The following CUL4B variants were observed in gnomAD, a reference collection of about 807,000 sequenced individuals.
CUL4B encodes cullin-4B.
Under a neutral mutation model 69.2 loss-of-function variants are expected in CUL4B, and 1 was observed. The observed-to-expected ratio is 0.01, with a 90% CI of 0.01 to 0.07. The LOEUF (loss-of-function observed/expected upper bound fraction) is 0.07, where lower values mean the gene tolerates loss of function less well. Among genes scored for constraint, CUL4B ranks in the 10% least tolerant of loss-of-function variants. The pLI is 1.00. For synonymous variants in CUL4B, 237 were observed against 223.2 expected, an observed-to-expected ratio of 1.06 and a Z score of -0.55; for missense variants, 328 against 638.8, an observed-to-expected ratio of 0.51 and a Z score of 5.24.
chrX:120,539,642 C>T (rs770290973), intron 11 of CUL4B, among the ~76,000 whole-genome samples: 5 of 111,728 alleles, frequency 4.5e-5, no homozygotes, highest in South Asian at 3.7e-4. Flanking sequence ...AAATAGGATA[C>T]GGATATCCTG....
intron 10 of CUL4B, among the ~76,000 whole-genome samples, chrX:120,541,284 G>C (rs2147330700): frequency 8.9e-6 from 1 of 112,256 alleles, no homozygotes; most frequent in African/African-American, 3.2e-5. Flanking sequence ...TGGATCATTT[G>C]AGTTCAGGAG....
At chrX:120,541,851 T>G in intron 9 of CUL4B, 131 bp from the exon 10 acceptor site, 1 of 489,386 alleles carries the variant, frequency 2.0e-6, no homozygotes, top group Non-Finnish European at 3.7e-6. Context: ...AGTCTGTATG[T>G]GAGTTGTAAT....
rs1394466910 is a variant in CUL4B, at chrX:120,560,924, TCTCTCCC to T, written c.-293_-287del. On this transcript the variant is annotated 5_prime_UTR_variant, in exon 1 of 20. Transcript: ENST00000371322. ...CGTCCCCCTCCCCTGCTTTTCGATCTCTCTCCCCCCCTTTCTGCAGGAGCGACTCAGC... is the reference window on the plus strand; with the variant it reads ...CGTCCCCCTCCCCTGCTTTTCGATCTCCCCTTTCTGCAGGAGCGACTCAGC... 1 of 749,260 alleles carries T rather than the reference TCTCTCCC, an allele frequency of 1.3e-6. No homozygotes were observed. Among genetic ancestry groups the T allele is most frequent in the Non-Finnish European group, 1.6e-6 (1 of 637,935 alleles). 61.7% of individuals were successfully genotyped at this position (749,260 alleles called of 1,213,427 possible).
chrX:120,571,167 C>A (rs186659661), downstream of CUL4B: 1 of 111,236 alleles, frequency 9.0e-6, no homozygotes, highest in East Asian at 2.8e-4. Context: ...AGTTCTTACA[C>A]ACAGATGATA....
At chrX:120,533,178 C>T (rs772594153) in intron 17 of CUL4B, among the ~76,000 whole-genome samples, 2 of 112,032 alleles carry the variant, frequency 1.8e-5, no homozygotes, top group East Asian at 2.8e-4. Flanking sequence ...AATAGCTAGC[C>T]GCTGCTTCCG....
chrX:120,553,563 G>A (rs193194790), intron 2 of CUL4B, among the ~76,000 whole-genome samples: 4 of 111,461 alleles, frequency 3.6e-5, no homozygotes, highest in East Asian at 2.8e-4. Context: ...AATGTTACAC[G>A]CTCCTGTACA....
At chrX:120,530,870 C>A (rs186122841) in intron 18 of CUL4B, among the ~76,000 whole-genome samples, 4 of 112,065 alleles carry the variant, frequency 3.6e-5, no homozygotes, top group Non-Finnish European at 7.5e-5. Context: ...AGTAATTAAA[C>A]CAAAAAAACA....
In CUL4B at chrX:120,560,763, A is replaced by G; in HGVS notation, c.-125T>C. The G allele has an allele frequency of 1.5e-6, 1 of 655,686 alleles. No individual in the cohort carries two copies. 54.0% of individuals were successfully genotyped at this position (655,686 alleles called of 1,213,427 possible). Reference sequence around the variant, plus strand: ...AAGAAAGAAGAGAGGAGAAACACAGAGGACGAGAAGGAAAGTGAAGGGGGG... The same window carrying G: ...AAGAAAGAAGAGAGGAGAAACACAGGGGACGAGAAGGAAAGTGAAGGGGGG... On this transcript the variant is annotated 5_prime_UTR_variant, in exon 1 of 20. Transcript: ENST00000371322.
chrX:120,557,210 C>G (rs1009030117), intron 2 of CUL4B, among the ~76,000 whole-genome samples: 2 of 111,706 alleles, frequency 1.8e-5, no homozygotes, highest in Non-Finnish European at 3.8e-5. Context: ...CGTGCCCGGC[C>G]TGAAGTATCT....
intron 2 of CUL4B, among the ~76,000 whole-genome samples, chrX:120,552,172 G>T (rs1480339217): frequency 8.9e-6 from 1 of 112,099 alleles, no homozygotes; most frequent in African/African-American, 3.2e-5. Context: ...ATCTCTGGAA[G>T]TAACCTCTTG....
chrX:120,553,569 G>A (rs1292189174), intron 2 of CUL4B, among the ~76,000 whole-genome samples: 2 of 111,567 alleles, frequency 1.8e-5, no homozygotes, highest in Non-Finnish European at 3.8e-5. Flanking sequence ...ACACGCTCCT[G>A]TACAAACTTC....
At chrX:120,534,148 C>A (rs999204274) in intron 17 of CUL4B, among the ~76,000 whole-genome samples, 4 of 108,634 alleles carry the variant, frequency 3.7e-5, no homozygotes, top group Non-Finnish European at 7.7e-5. Flanking sequence ...GGCAGGAAGA[C>A]CCCTTGAGCC....
chrX:120,555,450 A>C (rs1459164425), intron 2 of CUL4B, among the ~76,000 whole-genome samples: 2 of 111,860 alleles, frequency 1.8e-5, no homozygotes, highest in African/African-American at 6.5e-5. Context: ...CTTTTTCCCT[A>C]AAGTAAAACA....
At chrX:120,539,223 G>A in intron 12 of CUL4B, 45 bp downstream of exon 12, 1 of 714,780 alleles carries the variant, frequency 1.4e-6, no homozygotes, top group Non-Finnish European at 2.1e-6. Context: ...TCTCTGTTGA[G>A]TGCTATTTTA....
At chrX:120,548,444 A>T (rs1390304294) in intron 2 of CUL4B, among the ~76,000 whole-genome samples, 1 of 112,223 alleles carries the variant, frequency 8.9e-6, no homozygotes, top group Non-Finnish European at 1.9e-5. Context: ...TGAACAGAAC[A>T]AAGCAGAAAT....
chrX:120,564,002 T>G (rs1197481956), upstream of CUL4B, among the ~76,000 whole-genome samples: 1 of 112,325 alleles, frequency 8.9e-6, no homozygotes, highest in African/African-American at 3.2e-5. Flanking sequence ...TACATGTTGG[T>G]TTTAAAAAGC....
chrX:120,560,928 T>TCC lies in CUL4B; in HGVS notation c.-292_-291dup, dbSNP rs1416632145. 3 of 746,682 alleles carry TCC rather than the reference T, an allele frequency of 4.0e-6. No homozygotes were observed. The allele number at this position is 746,682 out of a possible 1,213,427, so 61.5% of individuals were successfully genotyped here. On this transcript the variant is annotated 5_prime_UTR_variant, in exon 1 of 20. Coordinates refer to ENST00000371322, the MANE Select transcript of CUL4B (RefSeq NM_001079872.2). ...CCCCTCCCCTGCTTTTCGATCTCTC[T>TCC]CCCCCCCTTTCTGCAGGAGCGACTC...
At chrX:120,562,160 C>CTAAG (rs1353832057), upstream of CUL4B, among the ~76,000 whole-genome samples, 3 of 111,843 alleles carry the variant, frequency 2.7e-5, no homozygotes, top group Non-Finnish European at 5.6e-5. Flanking sequence ...CCCAACAAAG[C>CTAAG]TAAGACCCAC....
chrX:120,564,885 C>G (rs983466268), upstream of CUL4B, among the ~76,000 whole-genome samples: 3 of 112,356 alleles, frequency 2.7e-5, no homozygotes, highest in African/African-American at 9.7e-5. Context: ...TAGGATCTTT[C>G]ATCTTGTGAG....
Sources: gnomAD v4.1 joint callset for allele counts (sites outside exome capture counted in the v4.1 genomes callset) on GRCh38, gnomAD v4.1.1 for gene constraint, MANE v1.5 for transcripts, NCBI Gene and HGNC (gene_info 2026-07-23, HGNC 2026-07-21) for gene names.